OPCML: variants seen among roughly 807,000 people sequenced by gnomAD.
OPCML encodes the protein opioid binding protein/cell adhesion molecule like.
OPCML carries 13 observed loss-of-function variants against 37.8 expected under a neutral mutation model. That is an observed-to-expected ratio of 0.34 (90% CI 0.22 to 0.55). The LOEUF is 0.55. Among genes scored for constraint, OPCML ranks in the 20% least tolerant of loss-of-function variants. The pLI is 0.91. For missense variants in OPCML, 341 were observed against 435.6 expected (o/e 0.78, Z 1.93); for synonymous variants, 176 against 168.8 (o/e 1.04, Z -0.33).
rs143272289 is a variant in OPCML, at chr11:133,350,938, C to T, written c.61+181326G>A. 1.6e-4 allele frequency among the ~76,000 whole-genome samples: 25 copies of T among 152,190 alleles called. No individual in the cohort carries two copies. The East Asian group carries it at 4.3e-3, about 26-fold the overall frequency. Reference sequence around the variant, plus strand: ...TAGAGAGTTGGACGGCAGGCCAATGCAGAAAGGTGGAAGGGCTGTGAATGC... The same window carrying T: ...TAGAGAGTTGGACGGCAGGCCAATGTAGAAAGGTGGAAGGGCTGTGAATGC... On this transcript the variant is annotated intron_variant, in intron 1 of 7. Transcript: ENST00000524381.
intron 2 of OPCML, among the ~76,000 whole-genome samples, chr11:132,723,469 G>A (rs1478257435): frequency 6.6e-6 from 1 of 152,038 alleles, no homozygotes; most frequent in Non-Finnish European, 1.5e-5. Flanking sequence ...GCCTCTGAGG[G>A]TGACTGTAAA....
chr11:132,986,392 G>A (rs908807004), intron 1 of OPCML, among the ~76,000 whole-genome samples: 4 of 152,084 alleles, frequency 2.6e-5, no homozygotes, highest in African/African-American at 9.7e-5. Context: ...GAATAATTAA[G>A]GTTAAGTAAG....
At chr11:133,107,711 CTTAT>C (rs1245462153) in intron 1 of OPCML, among the ~76,000 whole-genome samples, 9 of 152,310 alleles carry the variant, frequency 5.9e-5, no homozygotes, top group African/African-American at 2.2e-4. Flanking sequence ...TTCACTGGCT[CTTAT>C]TTATGACTGC....
At chr11:132,421,264 C>A (rs1056402945) in intron 7 of OPCML, among the ~76,000 whole-genome samples, 1 of 152,156 alleles carries the variant, frequency 6.6e-6, no homozygotes, top group Non-Finnish European at 1.5e-5. Context: ...AAAGCAAAAT[C>A]TATTATTACC....
chr11:133,366,072 T>C (rs1413599019), intron 1 of OPCML: 1 of 152,254 alleles, frequency 6.6e-6, no homozygotes, highest in Non-Finnish European at 1.5e-5. Context: ...TCTCTTCCTT[T>C]CATTTTACCT....
intron 1 of OPCML, among the ~76,000 whole-genome samples, chr11:133,442,275 T>G (rs1946379676): frequency 6.6e-6 from 1 of 152,176 alleles, no homozygotes; most frequent in Non-Finnish European, 1.5e-5. Context: ...ACAAATCTTT[T>G]AAAAAGGTCA....
chr11:132,518,054 A>C (rs1198347238), intron 4 of OPCML, among the ~76,000 whole-genome samples: 1 of 152,058 alleles, frequency 6.6e-6, no homozygotes, highest in Non-Finnish European at 1.5e-5. Context: ...TAAAGACAAA[A>C]CTTTTTTAAA....
At chr11:132,903,137 T>G (rs1944120899) in intron 2 of OPCML, among the ~76,000 whole-genome samples, 1 of 152,222 alleles carries the variant, frequency 6.6e-6, no homozygotes, top group African/African-American at 2.4e-5. Context: ...TTATGGGACT[T>G]CTGTGTCCAT....
chr11:133,313,292 G>T (rs1315280435), intron 1 of OPCML, among the ~76,000 whole-genome samples: 1 of 152,146 alleles, frequency 6.6e-6, no homozygotes, highest in Non-Finnish European at 1.5e-5. Context: ...ACTGAAATCT[G>T]CCTGACTCCA....
intron 1 of OPCML, among the ~76,000 whole-genome samples, chr11:133,368,319 TGAGGGA>T (rs1358993946): frequency 2.1e-5 from 3 of 145,986 alleles, no homozygotes; most frequent in African/African-American, 5.1e-5. Flanking sequence ...GAGAAAGAGG[TGAGGGA>T]GAGGGAGAGG....
At chr11:133,167,150 G>A (rs1950218599) in intron 1 of OPCML, among the ~76,000 whole-genome samples, 1 of 152,166 alleles carries the variant, frequency 6.6e-6, no homozygotes, top group South Asian at 2.1e-4. Flanking sequence ...AGAGTTGGTG[G>A]CCGGCGCTGG....
intron 2 of OPCML, among the ~76,000 whole-genome samples, chr11:132,695,627 T>C (rs991291952): frequency 5.3e-5 from 8 of 152,176 alleles, no homozygotes; most frequent in African/African-American, 9.7e-5. Flanking sequence ...TGTATATTTA[T>C]GTAATGACAC....
intron 4 of OPCML, among the ~76,000 whole-genome samples, chr11:132,493,014 C>G (rs654643): frequency 0.71 from 108,175 of 152,098 alleles, 39,102 homozygotes; most frequent in Middle Eastern, 0.84. Flanking sequence ...ATGATTGACA[C>G]ATTCAACGTG....
At chr11:132,795,716 C>T (rs1938266276) in intron 2 of OPCML, among the ~76,000 whole-genome samples, 1 of 152,166 alleles carries the variant, frequency 6.6e-6, no homozygotes, top group Non-Finnish European at 1.5e-5. Flanking sequence ...TAACATACTG[C>T]TTGCAAAGTC....
At chr11:132,718,473 C>T (rs1944567292) in intron 2 of OPCML, among the ~76,000 whole-genome samples, 1 of 152,036 alleles carries the variant, frequency 6.6e-6, no homozygotes, top group Non-Finnish European at 1.5e-5. Context: ...GAGAGAAATC[C>T]CTTAGGACCA....
chr11:132,958,724 A>C (rs1946021352), intron 1 of OPCML, among the ~76,000 whole-genome samples: 1 of 152,226 alleles, frequency 6.6e-6, no homozygotes, highest in African/African-American at 2.4e-5. Flanking sequence ...GTGCTCCATA[A>C]ATGGAACAAC....
At chr11:132,825,574 C>A (rs949644173) in intron 2 of OPCML, among the ~76,000 whole-genome samples, 1 of 152,118 alleles carries the variant, frequency 6.6e-6, no homozygotes, top group East Asian at 1.9e-4. Context: ...AGGTCTGGCA[C>A]GTATAAGACA....
chr11:133,372,035 G>A (rs1450907527), intron 1 of OPCML, among the ~76,000 whole-genome samples: 1 of 152,016 alleles, frequency 6.6e-6, no homozygotes, highest in Non-Finnish European at 1.5e-5. Context: ...GTGGGGGGAG[G>A]GATGAAGAGA....
At chr11:132,616,974 G>A (rs1166910248) in intron 3 of OPCML, among the ~76,000 whole-genome samples, 1 of 152,170 alleles carries the variant, frequency 6.6e-6, no homozygotes, top group East Asian at 1.9e-4. Context: ...TTTTAATGGT[G>A]AGCAGAGACA....
Sources: allele counts gnomAD v4.1 joint callset (sites outside exome capture counted in the v4.1 genomes callset), GRCh38; gene constraint gnomAD v4.1.1; transcripts MANE v1.5; gene names NCBI Gene and HGNC (gene_info 2026-07-23, HGNC 2026-07-21).